THSD7B: variants seen among roughly 807,000 people sequenced by gnomAD.
THSD7B encodes thrombospondin type 1 domain containing 7B.
THSD7B carries 138 observed loss-of-function variants against 213.6 expected under a neutral mutation model. The observed-to-expected ratio is 0.65, with a 90% confidence interval of 0.56 to 0.74. The LOEUF (loss-of-function observed/expected upper bound fraction) is 0.74, where lower values mean the gene tolerates loss of function less well. Ranked by LOEUF, THSD7B falls within the 30% of genes least tolerant of loss-of-function variation. The pLI is 0.00. For synonymous variants in THSD7B, 742 were observed against 687.0 expected (o/e 1.08, Z -1.25); for missense variants, 1,931 against 1,991.5 (o/e 0.97, Z 0.58).
intron 14 of THSD7B, among the ~76,000 whole-genome samples, chr2:137,437,515 C>T (rs565792250): frequency 6.6e-6 from 1 of 152,226 alleles, no homozygotes; most frequent in East Asian, 1.9e-4. Context: ...AAATTATTAC[C>T]AGCTGTTGAG....
chr2:137,217,050 A>G (rs1253101967), intron 7 of THSD7B, among the ~76,000 whole-genome samples: 2 of 152,130 alleles, frequency 1.3e-5, no homozygotes, highest in Non-Finnish European at 2.9e-5. Flanking sequence ...TCCTTTTGAC[A>G]TGGTCATCCT....
chr2:137,200,487 A>T (rs10165444), intron 7 of THSD7B, among the ~76,000 whole-genome samples: 1 of 151,778 alleles, frequency 6.6e-6, no homozygotes, highest in Non-Finnish European at 1.5e-5. Context: ...TTTTAGTAAA[A>T]TGTAACATAC....
At chr2:136,872,397 G>GT (rs1683443892) in intron 1 of THSD7B, among the ~76,000 whole-genome samples, 2 of 69,984 alleles carry the variant, frequency 2.9e-5, no homozygotes, top group Non-Finnish European at 5.1e-5. Context: ...GGGTGGGGGG[G>GT]ACTTTATATT....
intron 20 of THSD7B, among the ~76,000 whole-genome samples, chr2:137,626,912 C>T (rs1427018593): frequency 6.6e-6 from 1 of 152,180 alleles, no homozygotes; most frequent in Non-Finnish European, 1.5e-5. Context: ...TACCAATTTT[C>T]TGTGTTAGTC....
intron 12 of THSD7B, among the ~76,000 whole-genome samples, chr2:137,362,167 A>G (rs1685279639): frequency 6.6e-6 from 1 of 152,208 alleles, no homozygotes; most frequent in South Asian, 2.1e-4. Flanking sequence ...AAAATCCTTT[A>G]CAGACAAGCA....
intron 27 of THSD7B, among the ~76,000 whole-genome samples, chr2:137,671,354 TA>T (rs1232934114): frequency 2.0e-5 from 3 of 152,058 alleles, no homozygotes; most frequent in Non-Finnish European, 4.4e-5. Flanking sequence ...AAGATAATTT[TA>T]GGAGGAATAA....
intron 10 of THSD7B, among the ~76,000 whole-genome samples, chr2:137,268,448 C>T (rs1682654341): frequency 6.6e-6 from 1 of 151,986 alleles, no homozygotes; most frequent in Admixed American, 6.6e-5. Context: ...ATGATGGTTT[C>T]CAGCTTAATC....
chr2:136,952,474 C>G (rs1238866872), intron 2 of THSD7B, among the ~76,000 whole-genome samples: 1 of 127,124 alleles, frequency 7.9e-6, no homozygotes, highest in Non-Finnish European at 1.6e-5. Context: ...GTTAGTGAAT[C>G]TATTTTCCTG....
At chr2:137,561,669 C>T (rs898203581) in intron 15 of THSD7B, among the ~76,000 whole-genome samples, 3 of 152,048 alleles carry the variant, frequency 2.0e-5, no homozygotes, top group African/African-American at 7.2e-5. Context: ...TGGTTGGGGT[C>T]CTATCTCTTC....
intron 2 of THSD7B, among the ~76,000 whole-genome samples, chr2:136,891,961 A>G (rs1211956814): frequency 6.6e-6 from 1 of 152,124 alleles, no homozygotes; most frequent in Non-Finnish European, 1.5e-5. Context: ...GGAGGGCTTC[A>G]TCACTCACAT....
intron 12 of THSD7B, among the ~76,000 whole-genome samples, chr2:137,393,214 G>C (rs1293909250): frequency 2.0e-5 from 3 of 148,890 alleles, no homozygotes; most frequent in Non-Finnish European, 4.4e-5. Context: ...CATTGTGCAG[G>C]TTAGTTACAT....
At chr2:137,118,549 A>G (rs1436226649) in intron 5 of THSD7B, among the ~76,000 whole-genome samples, 1 of 152,180 alleles carries the variant, frequency 6.6e-6, no homozygotes, top group African/African-American at 2.4e-5. Flanking sequence ...GGAGCAGAAC[A>G]TTGCTTGAAT....
chr2:137,363,497 T>C (rs1209672633), intron 12 of THSD7B, among the ~76,000 whole-genome samples: 5 of 151,940 alleles, frequency 3.3e-5, no homozygotes, highest in Non-Finnish European at 7.4e-5. Context: ...CTAGCAAGAC[T>C]AATAAAGAAG....
intron 12 of THSD7B, among the ~76,000 whole-genome samples, chr2:137,400,553 G>A (rs527284330): frequency 4.6e-5 from 7 of 152,262 alleles, no homozygotes; most frequent in African/African-American, 1.4e-4. Flanking sequence ...TACACTGGGT[G>A]GATGAGCAGG....
chr2:137,453,692 G>A (rs578125792), intron 15 of THSD7B, among the ~76,000 whole-genome samples: 2 of 152,142 alleles, frequency 1.3e-5, no homozygotes, highest in African/African-American at 4.8e-5. Flanking sequence ...CATTTACCAT[G>A]CTATGCAATA....
At chr2:136,896,512 A>G (rs965833237) in intron 2 of THSD7B, among the ~76,000 whole-genome samples, 6 of 152,100 alleles carry the variant, frequency 3.9e-5, no homozygotes, top group East Asian at 1.9e-4. Flanking sequence ...TTTCAGTTCA[A>G]TGGTGTCTTT....
chr2:137,018,819 G>A (rs1053434622), intron 2 of THSD7B, among the ~76,000 whole-genome samples: 3 of 152,092 alleles, frequency 2.0e-5, no homozygotes, highest in African/African-American at 7.2e-5. Context: ...CATTACCAAT[G>A]TTTTCTTTGA....
chr2:137,270,037 TA>T (rs1682696828), intron 10 of THSD7B, among the ~76,000 whole-genome samples: 1 of 152,122 alleles, frequency 6.6e-6, no homozygotes, highest in African/African-American at 2.4e-5. Flanking sequence ...TAGTGAAAGT[TA>T]GAATCCATAA....
intron 2 of THSD7B, among the ~76,000 whole-genome samples, chr2:136,912,920 C>T (rs1001140972): frequency 3.9e-5 from 6 of 152,080 alleles, no homozygotes; most frequent in Admixed American, 6.5e-5. Context: ...TAGAGTGGGG[C>T]GTTGCTGAAA....
Sources: gnomAD v4.1 joint callset for allele counts (sites outside exome capture counted in the v4.1 genomes callset) on GRCh38, gnomAD v4.1.1 for gene constraint, MANE v1.5 for transcripts, NCBI Gene and HGNC (gene_info 2026-07-23, HGNC 2026-07-21) for gene names.